Variants in SLC5A1 observed in about 807,000 individuals in gnomAD.
SLC5A1 encodes sodium/glucose cotransporter 1.
In SLC5A1, 42 loss-of-function variants were observed where a neutral mutation model predicts 73.5. That is an observed-to-expected ratio of 0.57 (90% confidence interval 0.45 to 0.74). SLC5A1 has a LOEUF of 0.74. Ranked by LOEUF, SLC5A1 falls within the 30% of genes least tolerant of loss-of-function variation. The pLI, the probability that SLC5A1 is intolerant of heterozygous loss-of-function variation, is 0.00. For synonymous variants in SLC5A1, 300 were observed against 317.4 expected (o/e 0.95, Z 0.58); for missense variants, 634 against 855.4 (o/e 0.74, Z 3.23).
rs576407681 is a variant in SLC5A1 at position 32,074,726 on chromosome 22, T to C, written c.477+6126T>C. ...TATTAGTGGAGGCCATGACCAACAT[T>C]ATACTTACTCCATCCATTGCCCAAG... is the stretch of plus-strand genomic sequence containing the variant. On this transcript the variant is annotated intron_variant, in intron 5 of 14. Transcript: ENST00000266088. 3.9e-5 allele frequency among the ~76,000 whole-genome samples: 6 copies of C among 152,294 alleles called. No individual in the cohort carries two copies. In the South Asian group the frequency reaches 1.2e-3, roughly 32 times the overall value.
At chr22:32,098,171 A>G (rs1326216803) in intron 11 of SLC5A1, among the ~76,000 whole-genome samples, 5 of 152,250 alleles carry the variant, frequency 3.3e-5, no homozygotes, top group African/African-American at 1.2e-4. Flanking sequence ...CATCTACCCT[A>G]TAATCCAGCA....
At chr22:32,086,370 G>A in intron 10 of SLC5A1, 43 bp downstream of exon 10, 2 of 1,346,618 alleles carry the variant, frequency 1.5e-6, no homozygotes, top group Non-Finnish European at 2.1e-6. Flanking sequence ...TTTCTTGGGA[G>A]GCTGATTGGG....
At position 32,086,209 on chromosome 22, in the gene SLC5A1, T is replaced by C; in HGVS notation, c.1022-11T>C. 6.4e-7 allele frequency: 1 copy of C among 1,572,250 alleles called. No homozygotes were observed. The highest frequency in any genetic ancestry group is 8.8e-7 in the Non-Finnish European group (1 of 1,141,936). On this transcript the variant is annotated splice_polypyrimidine_tract_variant and intron_variant, in intron 9 of 14. Transcript: ENST00000266088. ...GTCTGCTTGCTGACGTGGCTCTCCATCTCTTCCCAGAAAAAATTGCCTGTG... is the reference window on the plus strand; with the variant it reads ...GTCTGCTTGCTGACGTGGCTCTCCACCTCTTCCCAGAAAAAATTGCCTGTG...
At chr22:32,050,945 G>A (rs1430423517) in intron 2 of SLC5A1, among the ~76,000 whole-genome samples, 1 of 152,200 alleles carries the variant, frequency 6.6e-6, no homozygotes, top group Non-Finnish European at 1.5e-5. Flanking sequence ...TGGCACCAGG[G>A]TTTGCCACGT....
At chr22:32,096,941 T>C (rs1288177615) in intron 11 of SLC5A1, among the ~76,000 whole-genome samples, 4 of 152,200 alleles carry the variant, frequency 2.6e-5, no homozygotes, top group African/African-American at 9.7e-5. Flanking sequence ...CCAAAGGAGA[T>C]CTGACTGTGC....
At chr22:32,070,576 C>A (rs2093981404) in intron 5 of SLC5A1, among the ~76,000 whole-genome samples, 1 of 152,146 alleles carries the variant, frequency 6.6e-6, no homozygotes, top group Middle Eastern at 3.4e-3. Context: ...TCAAGCAATT[C>A]TTCTGCCTCA....
chr22:32,070,879 TGAAAAGAAAA>T (rs915730620), intron 5 of SLC5A1, among the ~76,000 whole-genome samples: 19 of 151,874 alleles, frequency 1.3e-4, no homozygotes, highest in African/African-American at 3.9e-4. Context: ...AGCAATGGTA[TGAAAAGAAAA>T]GAAAAGAAAA....
chr22:32,100,959 C>G (rs2094035268), intron 12 of SLC5A1, among the ~76,000 whole-genome samples: 1 of 152,022 alleles, frequency 6.6e-6, no homozygotes. Context: ...TCTGTGTCCA[C>G]AGTGCTGTGG....
intron 5 of SLC5A1, among the ~76,000 whole-genome samples, chr22:32,070,282 C>A (rs1033173686): frequency 5.9e-5 from 7 of 119,254 alleles, no homozygotes; most frequent in African/African-American, 2.2e-4. Context: ...TCCCCCCTCC[C>A]TCCCTTCTTC....
At chr22:32,087,135 C>T (rs2094009586) in intron 10 of SLC5A1, among the ~76,000 whole-genome samples, 1 of 151,962 alleles carries the variant, frequency 6.6e-6, no homozygotes, top group Non-Finnish European at 1.5e-5. Flanking sequence ...TCAATGGATA[C>T]AAAATTTCAG....
intron 2 of SLC5A1, among the ~76,000 whole-genome samples, chr22:32,060,042 C>T (rs1034772150): frequency 1.4e-5 from 2 of 147,428 alleles, no homozygotes; most frequent in African/African-American, 2.5e-5. Flanking sequence ...CACACACACA[C>T]ACACACACAC....
At chr22:32,072,045 G>A (rs1432804464) in intron 5 of SLC5A1, among the ~76,000 whole-genome samples, 1 of 151,994 alleles carries the variant, frequency 6.6e-6, no homozygotes, top group Non-Finnish European at 1.5e-5. Flanking sequence ...TTTTTCCCCA[G>A]CAGTATTTTA....
rs750528703 is a variant in SLC5A1, at chr22:32,043,311, C to T, written c.30C>T (p.Thr10=). The part of the protein sequence containing the change: MDSSTWSPK[T]TAVTRPVETH... The stretch of plus-strand genomic sequence containing the variant: ...ACAGTAGCACCTGGAGCCCCAAGAC[C>T]ACCGCGGTCACCCGGCCTGTTGAGA... Residue 10 remains threonine, a synonymous_variant, in exon 1 of 15, where the codon ACC becomes ACT. Transcript: ENST00000266088. This position sits in a 1 kb window ranked among gnomAD's most constrained non-coding sequence, Gnocchi z 6.5. 1.4e-5 allele frequency: 22 copies of T among 1,614,054 alleles called. No homozygotes were observed. In the East Asian group the frequency reaches 4.7e-4, roughly 34 times the overall value.
In SLC5A1 at chr22:32,091,738, A is replaced by G. The variant is rs1414911182; in HGVS notation, c.1256A>G (p.Glu419Gly). 2.0e-5 allele frequency: 32 copies of G among 1,613,890 alleles called. No individual in the cohort carries two copies. Among genetic ancestry groups the G allele is most frequent in the Non-Finnish European group, 2.5e-5 (29 of 1,179,994 alleles). Residue 419 changes from glutamate (E) to glycine (G), a missense_variant, in exon 11 of 15, where the codon GAG becomes GGG. Glu to Gly is a moderately conservative substitution (Grantham distance 98, BLOSUM62 -2). Transcript: ENST00000266088. Reference protein sequence around the residue: ...IYAKVRKRASEKELMIAGRLF... With the variant: ...IYAKVRKRASGKELMIAGRLF... ...GCCAAGGTCCGCAAGAGAGCATCTGAGAAAGAGCTCATGATTGCCGGAAGG... is the reference window on the plus strand; with the variant it reads ...GCCAAGGTCCGCAAGAGAGCATCTGGGAAAGAGCTCATGATTGCCGGAAGG...
intron 2 of SLC5A1, among the ~76,000 whole-genome samples, chr22:32,059,875 G>A (rs912188571): frequency 6.6e-6 from 1 of 151,950 alleles, no homozygotes; most frequent in Non-Finnish European, 1.5e-5. Flanking sequence ...TATCATGGAA[G>A]TCTTGATTCT....
rs199831593 is a variant in SLC5A1 at position 32,102,102 on chromosome 22, C to T, written c.1530C>T (p.Ser510=). 6.2e-7 allele frequency: 1 copy of T among 1,614,022 alleles called. No homozygotes were observed. The highest frequency in any genetic ancestry group is 8.5e-7 in the Non-Finnish European group (1 of 1,179,960). Residue 510 remains serine (S), a synonymous_variant, in exon 13 of 15, where the codon AGC becomes AGT. Transcript: ENST00000266088. The part of the protein sequence containing the change: ...MITEFAYGTG[S]CMEPSNCPTI... Reference sequence around the variant, plus strand: ...CTGAGTTTGCTTATGGAACCGGGAGCTGCATGGAGCCCAGCAACTGTCCCA... The same window carrying T: ...CTGAGTTTGCTTATGGAACCGGGAGTTGCATGGAGCCCAGCAACTGTCCCA...
At chr22:32,061,415 A>T (rs1286290364) in intron 2 of SLC5A1, among the ~76,000 whole-genome samples, 1 of 140,218 alleles carries the variant, frequency 7.1e-6, no homozygotes, top group Non-Finnish European at 1.5e-5. Flanking sequence ...ACTCTGTCTT[A>T]AAAAAAAAAA....
At chr22:32,044,549 C>G (rs1375966245) in intron 1 of SLC5A1, among the ~76,000 whole-genome samples, 3 of 146,496 alleles carry the variant, frequency 2.0e-5, no homozygotes, top group East Asian at 4.1e-4. Context: ...ATTGTAGAAA[C>G]TAGATGTGGC....
At chr22:32,106,494 G>A (rs1292962235) in intron 14 of SLC5A1, among the ~76,000 whole-genome samples, 1 of 152,172 alleles carries the variant, frequency 6.6e-6, no homozygotes, top group South Asian at 2.1e-4. Flanking sequence ...AATGGCCAGG[G>A]ATAAGAGAAG....
Sources: gnomAD v4.1 joint callset for allele counts (sites outside exome capture counted in the v4.1 genomes callset) on GRCh38, gnomAD v4.1.1 for gene constraint, Gnocchi (gnomAD v3.1) non-coding constraint, MANE v1.5 for transcripts, NCBI Gene and HGNC (gene_info 2026-07-23, HGNC 2026-07-21) for gene names.